CNTNAP4: variants seen among roughly 807,000 people sequenced by gnomAD.
CNTNAP4 encodes contactin associated protein family member 4.
CNTNAP4 carries 98 observed loss-of-function variants against 148.4 expected under a neutral mutation model. The ratio of observed to expected loss-of-function variants is 0.66; its 90% CI spans 0.56 to 0.78. The LOEUF (loss-of-function observed/expected upper bound fraction) is 0.78. CNTNAP4 is among the 30% of genes least tolerant of loss of function. The pLI, the probability that CNTNAP4 is intolerant of heterozygous loss-of-function variation, is 0.00. For synonymous variants in CNTNAP4, 730 were observed against 565.1 expected (o/e 1.29, Z -4.14); for missense variants, 1,935 against 1,565.6 (o/e 1.24, Z -3.98).
intron 2 of CNTNAP4, among the ~76,000 whole-genome samples, chr16:76,342,968 C>A (rs548943446): frequency 6.6e-6 from 1 of 152,260 alleles, no homozygotes; most frequent in East Asian, 1.9e-4. Context: ...CATTGAGCTG[C>A]TTCTGCTGGG....
chr16:76,398,041 T>C (rs12934873), intron 3 of CNTNAP4, among the ~76,000 whole-genome samples: 2 of 129,832 alleles, frequency 1.5e-5, no homozygotes. Flanking sequence ...AATCATAAGG[T>C]GAGGTCTGCA....
At chr16:76,462,444 G>T (rs12716813) in intron 9 of CNTNAP4, among the ~76,000 whole-genome samples, 150,063 of 152,286 alleles carry the variant, frequency 0.99, 73,973 homozygotes, top group East Asian at 1. Context: ...AATTGCAGTA[G>T]TTTCTTGATT....
intron 2 of CNTNAP4, among the ~76,000 whole-genome samples, chr16:76,322,617 C>A (rs1962541451): frequency 6.6e-6 from 1 of 152,116 alleles, no homozygotes; most frequent in African/African-American, 2.4e-5. Context: ...ATGGTATTGT[C>A]CTTCTGAAAA....
At chr16:76,438,865 T>C (rs1189218989) in intron 4 of CNTNAP4, among the ~76,000 whole-genome samples, 1 of 152,218 alleles carries the variant, frequency 6.6e-6, no homozygotes, top group African/African-American at 2.4e-5. Context: ...TTCAAAACTC[T>C]CCTGTAACCC....
At position 76,343,977 on chromosome 16, in the gene CNTNAP4, A is replaced by G. The variant is rs115636084; in HGVS notation, c.197-11341A>G. 5.3e-3 allele frequency among the ~76,000 whole-genome samples: 811 copies of G among 152,306 alleles called. 4 individuals carry two copies. The highest frequency in any genetic ancestry group is 0.018 in the African/African-American group (751 of 41,566). ...AGCCAGATGGAACTAGCCAGGGTGC[A>G]CGGATGTTACAGGAAGCAATTCATT... is the stretch of plus-strand genomic sequence containing the variant. On this transcript the variant is annotated intron_variant, in intron 2 of 23. Transcript: ENST00000611870.
At chr16:76,363,364 G>C (rs1025168058) in intron 3 of CNTNAP4, among the ~76,000 whole-genome samples, 1 of 151,946 alleles carries the variant, frequency 6.6e-6, no homozygotes, top group Non-Finnish European at 1.5e-5. Flanking sequence ...GCTTCACCAT[G>C]TTAGCCAGGC....
At chr16:76,556,735 T>G (rs1293919902) in intron 23 of CNTNAP4, among the ~76,000 whole-genome samples, 1 of 152,224 alleles carries the variant, frequency 6.6e-6, no homozygotes, top group African/African-American at 2.4e-5. Flanking sequence ...TATTCATTAA[T>G]TAATATGACT....
At chr16:76,284,033 C>T (rs1021810418) in intron 1 of CNTNAP4, among the ~76,000 whole-genome samples, 3 of 151,966 alleles carry the variant, frequency 2.0e-5, no homozygotes, top group Admixed American at 2.0e-4. Flanking sequence ...GTCTTCCATG[C>T]TCTAGTGTTT....
At chr16:76,351,755 T>TG (rs1370489037) in intron 2 of CNTNAP4, among the ~76,000 whole-genome samples, 1 of 152,224 alleles carries the variant, frequency 6.6e-6, no homozygotes, top group East Asian at 1.9e-4. Flanking sequence ...CAGCTGTAAC[T>TG]GTGAGCAGCG....
intron 10 of CNTNAP4, among the ~76,000 whole-genome samples, chr16:76,475,328 A>G (rs558892282): frequency 6.6e-6 from 1 of 152,360 alleles, no homozygotes; most frequent in South Asian, 2.1e-4. Context: ...TGTTGAAACT[A>G]AACTACCTCA....
chr16:76,366,185 T>C (rs540998644), intron 3 of CNTNAP4, among the ~76,000 whole-genome samples: 176 of 152,280 alleles, frequency 1.2e-3, no homozygotes, highest in South Asian at 3.5e-3. Context: ...ATGTGCAGGT[T>C]TGTTGTATAG....
intron 2 of CNTNAP4, among the ~76,000 whole-genome samples, chr16:76,343,018 G>A (rs536678785): frequency 4.8e-4 from 73 of 152,072 alleles, no homozygotes; most frequent in South Asian, 8.3e-4. Context: ...TGGTAACAGC[G>A]TTCAGGAAAA....
At chr16:76,302,705 A>T (rs753800917) in intron 1 of CNTNAP4, among the ~76,000 whole-genome samples, 17 of 152,186 alleles carry the variant, frequency 1.1e-4, no homozygotes, top group Non-Finnish European at 1.5e-4. Context: ...CACAGGACTG[A>T]TACCCCGTCA....
At chr16:76,344,233 G>T in intron 2 of CNTNAP4, among the ~76,000 whole-genome samples, 1 of 152,076 alleles carries the variant, frequency 6.6e-6, no homozygotes, top group East Asian at 1.9e-4. Context: ...TGTCTGTCCA[G>T]TTTGTAGAAA....
chr16:76,319,613 G>T (rs998781339), intron 2 of CNTNAP4, among the ~76,000 whole-genome samples: 1 of 152,032 alleles, frequency 6.6e-6, no homozygotes, highest in Non-Finnish European at 1.5e-5. Flanking sequence ...ATTAAGGGGT[G>T]GGGGGCTAAA....
At chr16:76,302,710 C>T (rs188691318) in intron 1 of CNTNAP4, among the ~76,000 whole-genome samples, 1 of 152,212 alleles carries the variant, frequency 6.6e-6, no homozygotes, top group African/African-American at 2.4e-5. Flanking sequence ...GACTGATACC[C>T]CGTCATATTC....
At chr16:76,330,840 A>G (rs1323440442) in intron 2 of CNTNAP4, among the ~76,000 whole-genome samples, 4 of 152,248 alleles carry the variant, frequency 2.6e-5, no homozygotes, top group Non-Finnish European at 5.9e-5. Context: ...TGTCATAAAT[A>G]TAAGGAATGA....
At chr16:76,327,343 G>A (rs1284286178) in intron 2 of CNTNAP4, among the ~76,000 whole-genome samples, 3 of 152,164 alleles carry the variant, frequency 2.0e-5, no homozygotes, top group East Asian at 3.8e-4. Flanking sequence ...TTAGGATAAC[G>A]GTTTCTAGCT....
At chr16:76,429,317 A>G (rs530979716) in intron 4 of CNTNAP4, among the ~76,000 whole-genome samples, 132 of 152,300 alleles carry the variant, frequency 8.7e-4, no homozygotes, top group African/African-American at 3.0e-3. Flanking sequence ...AGTAAAACCA[A>G]TTTCAAAGTG....
Sources: gnomAD v4.1 joint callset for allele counts (sites outside exome capture counted in the v4.1 genomes callset) on GRCh38, gnomAD v4.1.1 for gene constraint, MANE v1.5 for transcripts, NCBI Gene and HGNC (gene_info 2026-07-23, HGNC 2026-07-21) for gene names.